BCAR3: variants seen among roughly 807,000 people sequenced by gnomAD.
BCAR3 encodes the protein BCAR3 adaptor protein, NSP family member, also known as breast cancer anti-estrogen resistance protein 3.
Under a neutral mutation model 80.1 loss-of-function variants are expected in BCAR3, and 37 were observed. The observed-to-expected ratio is 0.46, with a 90% CI of 0.36 to 0.61. The LOEUF (loss-of-function observed/expected upper bound fraction) is 0.61, where lower values mean the gene tolerates loss of function less well. Ranked by LOEUF, BCAR3 falls within the 20% of genes least tolerant of loss-of-function variation. The pLI is 0.00. For missense variants in BCAR3, 978 were observed against 1,068.2 expected, an observed-to-expected ratio of 0.92 and a Z score of 1.18; for synonymous variants, 389 against 418.9, an observed-to-expected ratio of 0.93 and a Z score of 0.87.
At position 93,584,069 on chromosome 1, in the gene BCAR3, T is replaced by A; in HGVS notation, c.982A>T (p.Arg328Ter). ...QPACLDHMQDRRALSLKAHQS... is the reference protein window; with the variant it reads ...QPACLDHMQD ...TGGGCTTTGAGGGACAAGGCTCTTC[T>A]GTCCTGCATGTGATCCAGGCAGGCG... The change falls in exon 6 of 12, where the codon AGA becomes TGA. Residue 328 changes from arginine to a stop codon, truncating the protein, a stop_gained. Coordinates refer to ENST00000260502, the MANE Select transcript of BCAR3 (RefSeq NM_003567.4). LOFTEE classifies it high-confidence loss of function. 1 of 1,614,204 alleles carries A rather than the reference T, an allele frequency of 6.2e-7. No individual in the cohort carries two copies. Among genetic ancestry groups the A allele is most frequent in the Non-Finnish European group, 8.5e-7 (1 of 1,180,030 alleles).
intron 2 of BCAR3, among the ~76,000 whole-genome samples, chr1:93,721,753 C>T (rs1049905030): frequency 6.6e-6 from 1 of 152,206 alleles, no homozygotes; most frequent in African/African-American, 2.4e-5. Flanking sequence ...AGTTCTGCCA[C>T]TGCTCACCTC....
rs1476540275 is a variant in BCAR3, at chr1:93,783,733, C to T, written c.-63+61834G>A. Among the ~76,000 whole-genome samples the T allele has an allele frequency of 2.0e-5, 3 of 152,162 alleles. No homozygotes were observed. The South Asian group carries it at 6.2e-4, about 32-fold the overall frequency. ...ATAGCATATTGCCTAGGAGTACATA[C>T]ATATGCGTTGTGGTAGATTGCACTT... On this transcript the variant is annotated intron_variant, in intron 2 of 13. Transcript: ENST00000370244.
intron 2 of BCAR3, among the ~76,000 whole-genome samples, chr1:93,815,582 C>T (rs1392628629): frequency 2.0e-5 from 3 of 152,126 alleles, no homozygotes; most frequent in Non-Finnish European, 2.9e-5. Flanking sequence ...GGTGGGGCTT[C>T]GCAAAGCGGG....
upstream of BCAR3, among the ~76,000 whole-genome samples, chr1:93,685,440 C>T (rs534111333): frequency 5.8e-4 from 88 of 152,264 alleles, no homozygotes; most frequent in Non-Finnish European, 8.5e-4. Context: ...CATTGTTCTA[C>T]ACTTTGCTTT....
intron 3 of BCAR3, among the ~76,000 whole-genome samples, chr1:93,697,746 G>A (rs1397313703): frequency 2.6e-5 from 4 of 152,090 alleles, no homozygotes; most frequent in Non-Finnish European, 4.4e-5. Context: ...TTGGGAGGCC[G>A]AGACGACGGA....
At chr1:93,688,079 C>T (rs890943704) in intron 3 of BCAR3, among the ~76,000 whole-genome samples, 2 of 152,176 alleles carry the variant, frequency 1.3e-5, no homozygotes, top group Non-Finnish European at 2.9e-5. Context: ...TAGGTGCCTG[C>T]CCCTGAAGAG....
At chr1:93,711,241 G>A (rs181374733) in intron 2 of BCAR3, among the ~76,000 whole-genome samples, 1 of 152,368 alleles carries the variant, frequency 6.6e-6, no homozygotes, top group East Asian at 1.9e-4. Flanking sequence ...ATACCAGAAT[G>A]GTGATCTCTG....
chr1:93,595,586 C>G (rs1027152664), intron 3 of BCAR3, among the ~76,000 whole-genome samples: 7 of 152,212 alleles, frequency 4.6e-5, no homozygotes, highest in African/African-American at 1.4e-4. Context: ...CTAGAACTTT[C>G]ACTACTGCCT....
intron 1 of BCAR3, among the ~76,000 whole-genome samples, chr1:93,846,382 G>C (rs976105971): frequency 2.0e-5 from 3 of 152,210 alleles, no homozygotes; most frequent in Admixed American, 6.5e-5. Flanking sequence ...GGCGGGGCCG[G>C]GACTGCTGTG....
intron 2 of BCAR3, among the ~76,000 whole-genome samples, chr1:93,658,255 C>T (rs1009094387): frequency 1.3e-5 from 2 of 152,086 alleles, no homozygotes; most frequent in African/African-American, 4.8e-5. Context: ...TGCTTCTTTT[C>T]AACATTGTCC....
intron 1 of BCAR3, chr1:93,681,224 C>A (rs1361019901): frequency 6.6e-6 from 1 of 152,218 alleles, no homozygotes; most frequent in Non-Finnish European, 1.5e-5. Flanking sequence ...GGCGGGGTGG[C>A]CGGCAGAGCA....
At chr1:93,673,938 C>A (rs1395584874) in intron 2 of BCAR3, among the ~76,000 whole-genome samples, 11 of 152,134 alleles carry the variant, frequency 7.2e-5, no homozygotes, top group Admixed American at 5.2e-4. Flanking sequence ...TTTTAAGGGA[C>A]TTAAGAGAGG....
chr1:93,692,618 A>G (rs1207505772), intron 3 of BCAR3, among the ~76,000 whole-genome samples: 1 of 152,184 alleles, frequency 6.6e-6, no homozygotes, highest in Non-Finnish European at 1.5e-5. Context: ...GAGAAAATGA[A>G]AGCACAAAAA....
intron 2 of BCAR3, among the ~76,000 whole-genome samples, chr1:93,731,130 A>G (rs1212112988): frequency 6.6e-6 from 1 of 152,244 alleles, no homozygotes; most frequent in African/African-American, 2.4e-5. Flanking sequence ...CAGTGTCATC[A>G]GAACAAGGAA....
At chr1:93,687,572 G>T (rs368320394) in intron 3 of BCAR3, among the ~76,000 whole-genome samples, 1 of 152,174 alleles carries the variant, frequency 6.6e-6, no homozygotes, top group African/African-American at 2.4e-5. Context: ...CTCCCAAAGT[G>T]CTGAGATTAC....
intron 3 of BCAR3, among the ~76,000 whole-genome samples, chr1:93,628,589 C>T (rs1570984832): frequency 6.6e-6 from 1 of 152,318 alleles, no homozygotes; most frequent in East Asian, 1.9e-4. Context: ...TTAGACATTA[C>T]AGTTGACTTG....
At chr1:93,721,114 G>T (rs573095723) in intron 2 of BCAR3, among the ~76,000 whole-genome samples, 247 of 152,328 alleles carry the variant, frequency 1.6e-3, no homozygotes, top group African/African-American at 5.5e-3. Context: ...GGATGCCTCA[G>T]ACTGGAAGGG....
At position 93,592,367 on chromosome 1, in the gene BCAR3, G is replaced by A. The variant is rs1367133941; in HGVS notation, c.384C>T (p.Asp128=). 1 of 1,602,398 alleles carries A rather than the reference G, an allele frequency of 6.2e-7. No homozygotes were observed. Among genetic ancestry groups the A allele is most frequent in the African/African-American group, 1.3e-5 (1 of 74,212 alleles). The part of the protein sequence containing the change: ...VKFSKERHIM[D]RTPEKLKKEL... ...CCTTCTTCAGTTTCTCGGGGGTCCT[G>A]TCCATGATGTGCCTCTCCTTGGAGA... Residue 128 remains aspartate, a synonymous_variant, in exon 4 of 12, where the codon GAC becomes GAT. Transcript: ENST00000260502. This position sits in a 1 kb window ranked among gnomAD's most constrained non-coding sequence, Gnocchi z 4.8.
At chr1:93,678,699 G>C (rs921683878) in intron 1 of BCAR3, among the ~76,000 whole-genome samples, 1 of 152,200 alleles carries the variant, frequency 6.6e-6, no homozygotes, top group African/African-American at 2.4e-5. Flanking sequence ...AAGGATGACT[G>C]TTGCGGGTGG....
Sources: allele counts gnomAD v4.1 joint callset (sites outside exome capture counted in the v4.1 genomes callset), GRCh38; gene constraint gnomAD v4.1.1; non-coding constraint Gnocchi (gnomAD v3.1); transcripts MANE v1.5; gene names NCBI Gene and HGNC (gene_info 2026-07-23, HGNC 2026-07-21).